The following CSMD2 variants were observed in gnomAD, a reference collection of about 807,000 sequenced individuals.
CSMD2 encodes CUB and sushi domain-containing protein 2.
A neutral mutation model predicts 398.5 loss-of-function variants in CSMD2; 130 were observed. The ratio of observed to expected loss-of-function variants is 0.33; its 90% CI spans 0.28 to 0.38. CSMD2 has a LOEUF of 0.38. CSMD2 is among the 10% of genes least tolerant of loss of function. The pLI is 1.00. For missense variants in CSMD2, 3,829 were observed against 4,764.9 expected, an observed-to-expected ratio of 0.80 and a Z score of 5.78; for synonymous variants, 1,828 against 1,908.5, an observed-to-expected ratio of 0.96 and a Z score of 1.10.
chr1:33,976,260 C>T (rs1323380200), intron 3 of CSMD2, among the ~76,000 whole-genome samples: 1 of 152,192 alleles, frequency 6.6e-6, no homozygotes, highest in Non-Finnish European at 1.5e-5. Flanking sequence ...TGCACAGGAT[C>T]AGGGGCAGCA....
intron 2 of CSMD2, among the ~76,000 whole-genome samples, chr1:34,086,296 C>T (rs1001489491): frequency 1.3e-5 from 2 of 152,192 alleles, no homozygotes; most frequent in Non-Finnish European, 2.9e-5. Context: ...AGAAGACTGG[C>T]TCCCTTGTGA....
intron 13 of CSMD2, among the ~76,000 whole-genome samples, chr1:33,751,662 G>A (rs557130953): frequency 6.6e-6 from 1 of 152,268 alleles, no homozygotes; most frequent in Non-Finnish European, 1.5e-5. Context: ...TCACTTTGTT[G>A]CCAGGCTGGA....
chr1:33,962,466 G>A (rs960096651), intron 3 of CSMD2, among the ~76,000 whole-genome samples: 5 of 152,164 alleles, frequency 3.3e-5, no homozygotes, highest in Admixed American at 3.3e-4. Context: ...GTTCTCATAG[G>A]GGATTTGAAG....
At chr1:33,629,371 G>A (rs528281067) in intron 32 of CSMD2, among the ~76,000 whole-genome samples, 9 of 152,098 alleles carry the variant, frequency 5.9e-5, no homozygotes, top group Non-Finnish European at 1.0e-4. Context: ...AACACAAGAT[G>A]ACAGATATCA....
intron 25 of CSMD2, among the ~76,000 whole-genome samples, chr1:33,690,606 G>A (rs548978664): frequency 2.9e-4 from 44 of 152,336 alleles, no homozygotes; most frequent in Non-Finnish European, 6.2e-4. Flanking sequence ...AGTGAAGAAA[G>A]TGGGAAAACC....
intron 42 of CSMD2, among the ~76,000 whole-genome samples, chr1:33,604,534 C>A (rs1640452600): frequency 6.6e-6 from 1 of 152,000 alleles, no homozygotes; most frequent in Non-Finnish European, 1.5e-5. Context: ...TGAGTTGGAG[C>A]CTGGGGTGAT....
At chr1:33,690,375 A>G (rs949759847) in intron 25 of CSMD2, among the ~76,000 whole-genome samples, 10 of 152,216 alleles carry the variant, frequency 6.6e-5, no homozygotes, top group Non-Finnish European at 1.2e-4. Flanking sequence ...CACCTTTTCC[A>G]GAATAACTTC....
chr1:34,020,153 A>G (rs1648682687), intron 3 of CSMD2, among the ~76,000 whole-genome samples: 1 of 152,206 alleles, frequency 6.6e-6, no homozygotes, highest in Admixed American at 6.5e-5. Context: ...AGGCTTCTCA[A>G]TAAGAAGACA....
intron 9 of CSMD2, among the ~76,000 whole-genome samples, chr1:33,816,278 C>T (rs138283473): frequency 2.6e-4 from 39 of 152,308 alleles, no homozygotes; most frequent in Non-Finnish European, 5.1e-4. Flanking sequence ...GAATCAGTAA[C>T]TGTAAGAGTT....
chr1:33,781,948 A>T (rs963794671), intron 12 of CSMD2, among the ~76,000 whole-genome samples: 1 of 151,836 alleles, frequency 6.6e-6, no homozygotes, highest in Non-Finnish European at 1.5e-5. Context: ...CTGGGAAGCA[A>T]ATGCCCCAAT....
intron 4 of CSMD2, among the ~76,000 whole-genome samples, chr1:33,926,371 G>A (rs1644127855): frequency 6.6e-6 from 1 of 152,126 alleles, no homozygotes; most frequent in African/African-American, 2.4e-5. Flanking sequence ...GCCATCCCGA[G>A]ATTTTCAAAC....
chr1:33,721,314 G>T (rs922314508), intron 19 of CSMD2, among the ~76,000 whole-genome samples: 4 of 152,188 alleles, frequency 2.6e-5, no homozygotes, highest in African/African-American at 4.8e-5. Flanking sequence ...CTGAAGGCAG[G>T]CACTGGCAGA....
chr1:33,747,877 T>A (rs1312229360), intron 13 of CSMD2, among the ~76,000 whole-genome samples: 1 of 152,194 alleles, frequency 6.6e-6, no homozygotes, highest in Non-Finnish European at 1.5e-5. Flanking sequence ...CCCCAGGTGA[T>A]CCCAAATTGC....
chr1:33,661,492 G>A (rs1326268262), intron 26 of CSMD2, among the ~76,000 whole-genome samples: 4 of 152,136 alleles, frequency 2.6e-5, no homozygotes, highest in South Asian at 2.1e-4. Context: ...CATAGCAAAC[G>A]TTCTCAGAGG....
At chr1:33,530,507 A>C (rs1404745417) in intron 64 of CSMD2, among the ~76,000 whole-genome samples, 1 of 152,224 alleles carries the variant, frequency 6.6e-6, no homozygotes, top group African/African-American at 2.4e-5. Flanking sequence ...AATTTAAGTT[A>C]ATGTAACCAT....
chr1:34,085,069 T>C (rs1657700980), intron 2 of CSMD2, among the ~76,000 whole-genome samples: 1 of 152,238 alleles, frequency 6.6e-6, no homozygotes, highest in Admixed American at 6.5e-5. Flanking sequence ...GATGAGTTCA[T>C]GTCCTTTGTA....
At chr1:33,921,597 CA>C (rs1441668275) in intron 4 of CSMD2, among the ~76,000 whole-genome samples, 2 of 152,058 alleles carry the variant, frequency 1.3e-5, no homozygotes, top group Non-Finnish European at 2.9e-5. Context: ...CCCGAACCTT[CA>C]AAAAAGCACA....
At chr1:33,846,109 T>C (rs1287683858) in intron 6 of CSMD2, among the ~76,000 whole-genome samples, 1 of 152,266 alleles carries the variant, frequency 6.6e-6, no homozygotes, top group Non-Finnish European at 1.5e-5. Flanking sequence ...CGAAAAGGAA[T>C]GTGCTCATCC....
chr1:34,159,668 C>T (rs992557090), intron 1 of CSMD2, among the ~76,000 whole-genome samples: 1 of 152,240 alleles, frequency 6.6e-6, no homozygotes, highest in Admixed American at 6.5e-5. Context: ...AATAATAATA[C>T]TGCAGGCTTC....
Sources: gnomAD v4.1 joint callset for allele counts (sites outside exome capture counted in the v4.1 genomes callset) on GRCh38, gnomAD v4.1.1 for gene constraint, MANE v1.5 for transcripts, NCBI Gene and HGNC (gene_info 2026-07-23, HGNC 2026-07-21) for gene names.